Variants in MAPK14 observed in about 807,000 individuals in gnomAD.
MAPK14 encodes the protein mitogen-activated protein kinase 14.
Under a neutral mutation model 49.6 loss-of-function variants are expected in MAPK14, and 16 were observed. That is an observed-to-expected ratio of 0.32 (90% CI 0.22 to 0.49). The LOEUF (loss-of-function observed/expected upper bound fraction) is 0.49, where lower values mean the gene tolerates loss of function less well. Among genes scored for constraint, MAPK14 ranks in the 20% least tolerant of loss-of-function variants. The pLI, the probability that MAPK14 is intolerant of heterozygous loss-of-function variation, is 0.99. For synonymous variants in MAPK14, 142 were observed against 158.0 expected (o/e 0.90, Z 0.76); for missense variants, 200 against 441.2 (o/e 0.45, Z 4.90).
At chr6:36,055,114 C>T (rs1417263862) in intron 2 of MAPK14, among the ~76,000 whole-genome samples, 1 of 152,206 alleles carries the variant, frequency 6.6e-6, no homozygotes, top group Non-Finnish European at 1.5e-5. Flanking sequence ...TTAGTTGGAC[C>T]ATTCCTGATT....
At chr6:36,078,449 A>C (rs61195139) in intron 8 of MAPK14, among the ~76,000 whole-genome samples, 18,040 of 152,220 alleles carry the variant, frequency 0.12, 1,185 homozygotes, top group African/African-American at 0.18. Context: ...TTGGCAGACT[A>C]GTGTTAGAAA....
chr6:36,111,904 C>G (rs941282998), downstream of MAPK14, among the ~76,000 whole-genome samples: 1 of 152,156 alleles, frequency 6.6e-6, no homozygotes, highest in Non-Finnish European at 1.5e-5. Flanking sequence ...TCCTTTAGCT[C>G]CTGTTAAGAA....
chr6:36,046,552 TTTAA>T (rs796656383), intron 1 of MAPK14, among the ~76,000 whole-genome samples: 54 of 152,312 alleles, frequency 3.5e-4, no homozygotes, highest in African/African-American at 1.2e-3. Context: ...CATGAAAGAA[TTTAA>T]TTAACATCCT....
At chr6:36,035,686 C>T (rs899717857) in intron 1 of MAPK14, among the ~76,000 whole-genome samples, 1 of 152,162 alleles carries the variant, frequency 6.6e-6, no homozygotes, top group Admixed American at 6.5e-5. Flanking sequence ...TTCCAGTAAA[C>T]AAATGAATGA....
chr6:36,075,404 G>A lies in MAPK14; in HGVS notation c.496-444G>A, dbSNP rs973084773. Among the ~76,000 whole-genome samples, 8 of 152,104 alleles carry A rather than the reference G, an allele frequency of 5.3e-5. No homozygotes were observed. In the East Asian group the frequency reaches 1.2e-3, roughly 22 times the overall value. On this transcript the variant is annotated intron_variant, in intron 6 of 11. Transcript: ENST00000229794. ...TATAGTGTGTATTTTTGTGTGTCTG[G>A]CCTTTGCTTGGTGTAATGATTCGGT...
rs529719137 is a variant in MAPK14 at position 36,043,714 on chromosome 6, A to T, written c.117-8985A>T. Among the ~76,000 whole-genome samples the T allele has an allele frequency of 4.6e-5, 7 of 152,242 alleles. No individual in the cohort carries two copies. In the South Asian group the frequency reaches 1.4e-3, roughly 32 times the overall value. ...ATTATCCTGATTCAGTTGGAAAAAA[A>T]GCCTGAAATTGTATGATCCGGAGAA... On this transcript the variant is annotated intron_variant, in intron 1 of 11. Transcript: ENST00000229794.
intron 8 of MAPK14, among the ~76,000 whole-genome samples, chr6:36,084,310 CCT>C (rs1764889581): frequency 6.6e-6 from 1 of 152,188 alleles, no homozygotes; most frequent in Non-Finnish European, 1.5e-5. Flanking sequence ...GATCACAGCA[CCT>C]CTCTGGCAAG....
chr6:36,104,340 C>G (rs1765734379), intron 10 of MAPK14, among the ~76,000 whole-genome samples: 1 of 151,958 alleles, frequency 6.6e-6, no homozygotes, highest in Non-Finnish European at 1.5e-5. Flanking sequence ...GAGAAGCTCT[C>G]TTTGAGCCTT....
At chr6:36,095,371 C>G (rs139731906) in intron 8 of MAPK14, among the ~76,000 whole-genome samples, 1 of 152,352 alleles carries the variant, frequency 6.6e-6, no homozygotes, top group Admixed American at 6.5e-5. Flanking sequence ...TGGCGACTCT[C>G]CCTCATAGTG....
Position 36,074,852 on chromosome 6 carries a change from G to T in MAPK14, c.495+756G>T, listed in dbSNP as rs568803553. ...GATGGTGTCGATCTCCTGACCTCGT[G>T]ATCCACCTGCCTCGGCCTCTCAAAG... On this transcript the variant is annotated intron_variant, in intron 6 of 11. Transcript: ENST00000229794. Among the ~76,000 whole-genome samples, 67 of 152,000 alleles carry T rather than the reference G, an allele frequency of 4.4e-4. 1 individual carries two copies. In the South Asian group the frequency reaches 0.013, roughly 29 times the overall value.
downstream of MAPK14, among the ~76,000 whole-genome samples, chr6:36,113,020 A>G (rs1316940631): frequency 6.6e-6 from 1 of 152,206 alleles, no homozygotes; most frequent in African/African-American, 2.4e-5. Context: ...TCACTTCTCT[A>G]TATAATTTGG....
chr6:36,066,814 T>C (rs1764081098), intron 3 of MAPK14, among the ~76,000 whole-genome samples: 1 of 151,934 alleles, frequency 6.6e-6, no homozygotes, highest in African/African-American at 2.4e-5. Flanking sequence ...ATAAATGTGA[T>C]CTTTTTGGAA....
intron 8 of MAPK14, among the ~76,000 whole-genome samples, chr6:36,082,952 C>T (rs904502404): frequency 1.3e-5 from 2 of 152,086 alleles, no homozygotes; most frequent in African/African-American, 4.8e-5. Context: ...CTACCTTTTT[C>T]TTGGGTTTTG....
chr6:36,075,799 G>A, intron 6 of MAPK14, 49 bp from the exon 7 acceptor site: 5 of 1,608,450 alleles, frequency 3.1e-6, no homozygotes, highest in Middle Eastern at 1.7e-4. Context: ...TTTTTTCCCT[G>A]CCTGTTTCTA....
intron 1 of MAPK14, among the ~76,000 whole-genome samples, chr6:36,046,301 A>G (rs997355843): frequency 2.0e-5 from 3 of 152,192 alleles, no homozygotes; most frequent in Admixed American, 6.5e-5. Context: ...TGGGGGAAAA[A>G]CTTGTTAAAC....
At position 36,041,114 on chromosome 6, in the gene MAPK14, A is replaced by G. The variant is rs1010138437; in HGVS notation, c.117-11585A>G. Among the ~76,000 whole-genome samples, 7 of 152,264 alleles carry G rather than the reference A, an allele frequency of 4.6e-5. No homozygotes were observed. The East Asian group carries it at 1.2e-3, about 25-fold the overall frequency. The stretch of plus-strand genomic sequence containing the variant: ...GTATTCTGGTACCTTAGAAGATACA[A>G]TGCATTTTCCTGAATTATCATTGCT... On this transcript the variant is annotated intron_variant, in intron 1 of 11. Transcript: ENST00000229794.
chr6:36,100,790 T>C (rs567051883), intron 9 of MAPK14, among the ~76,000 whole-genome samples: 17 of 152,352 alleles, frequency 1.1e-4, no homozygotes, highest in African/African-American at 4.1e-4. Flanking sequence ...ATTAACTACT[T>C]AGTCTAACTC....
intron 8 of MAPK14, among the ~76,000 whole-genome samples, chr6:36,090,498 G>A (rs1268193923): frequency 6.7e-6 from 1 of 149,256 alleles, no homozygotes; most frequent in Non-Finnish European, 1.5e-5. Flanking sequence ...TGTGGCCACT[G>A]CACCCTGCCA....
intron 1 of MAPK14, among the ~76,000 whole-genome samples, chr6:36,049,241 G>A (rs1581750192): frequency 4.0e-5 from 6 of 151,180 alleles, no homozygotes; most frequent in Admixed American, 3.9e-4. Context: ...CACCTTAAGA[G>A]GTATATTAAT....
Sources: allele counts gnomAD v4.1 joint callset (sites outside exome capture counted in the v4.1 genomes callset), GRCh38; gene constraint gnomAD v4.1.1; transcripts MANE v1.5; gene names NCBI Gene and HGNC (gene_info 2026-07-23, HGNC 2026-07-21).